CFAP299: variants seen among roughly 807,000 people sequenced by gnomAD.
The protein encoded by CFAP299 is cilia- and flagella-associated protein 299.
In CFAP299, 21 loss-of-function variants were observed where a neutral mutation model predicts 27.0. That is an observed-to-expected ratio of 0.78 (90% CI 0.55 to 1.12). The LOEUF is 1.12. CFAP299 is among the 50% of genes most tolerant of loss of function. CFAP299 has a pLI of 0.00. For missense variants in CFAP299, 310 were observed against 276.6 expected (o/e 1.12, Z -0.86); for synonymous variants, 104 against 98.1 (o/e 1.06, Z -0.36).
At chr4:80,449,602 A>G (rs1003157354) in intron 2 of CFAP299, among the ~76,000 whole-genome samples, 1 of 151,610 alleles carries the variant, frequency 6.6e-6, no homozygotes, top group Non-Finnish European at 1.5e-5. Flanking sequence ...TTCTTAAAAA[A>G]CGTTTTAAAT....
At chr4:80,746,914 C>T (rs185225797) in intron 3 of CFAP299, among the ~76,000 whole-genome samples, 1 of 152,102 alleles carries the variant, frequency 6.6e-6, no homozygotes, top group Non-Finnish European at 1.5e-5. Context: ...AGAAAATGGT[C>T]TTCAGAATAT....
At chr4:80,386,700 A>G in intron 2 of CFAP299, 11 of 1,576,406 alleles carry the variant, frequency 7.0e-6, no homozygotes, top group Non-Finnish European at 9.6e-6. Context: ...GACCTGCTGC[A>G]CAGGGCGCAT....
intron 3 of CFAP299, among the ~76,000 whole-genome samples, chr4:80,806,405 ACAGT>A (rs1728868425): frequency 6.6e-6 from 1 of 152,188 alleles, no homozygotes; most frequent in Non-Finnish European, 1.5e-5. Context: ...GGAGAGCTTG[ACAGT>A]CAAATACAGA....
At chr4:80,477,531 C>G (rs995454887) in intron 2 of CFAP299, among the ~76,000 whole-genome samples, 6 of 152,194 alleles carry the variant, frequency 3.9e-5, no homozygotes, top group Admixed American at 6.5e-5. Flanking sequence ...CACCGCCATG[C>G]ACATCCATCT....
intron 3 of CFAP299, among the ~76,000 whole-genome samples, chr4:80,865,362 T>C (rs1732660612): frequency 6.6e-6 from 1 of 152,132 alleles, no homozygotes; most frequent in African/African-American, 2.4e-5. Flanking sequence ...TCTTAGGCAA[T>C]CCACAAAATA....
chr4:80,743,382 C>T (rs1019366572), intron 3 of CFAP299, among the ~76,000 whole-genome samples: 1 of 152,064 alleles, frequency 6.6e-6, no homozygotes, highest in Non-Finnish European at 1.5e-5. Context: ...TACATACATA[C>T]ATCAAATATG....
chr4:80,628,820 TAA>T (rs1223520971), intron 3 of CFAP299, among the ~76,000 whole-genome samples: 1 of 152,126 alleles, frequency 6.6e-6, no homozygotes, highest in African/African-American at 2.4e-5. Flanking sequence ...AGATAAAAGA[TAA>T]GTGTTGGCAA....
intron 2 of CFAP299, among the ~76,000 whole-genome samples, chr4:80,523,488 G>A (rs1269743897): frequency 6.6e-6 from 1 of 152,100 alleles, no homozygotes; most frequent in African/African-American, 2.4e-5. Flanking sequence ...GGGTGCCTAG[G>A]TAACTGGGTG....
intron 3 of CFAP299, among the ~76,000 whole-genome samples, chr4:80,860,368 A>G (rs928509083): frequency 4.7e-4 from 72 of 152,102 alleles, no homozygotes; most frequent in African/African-American, 1.7e-3. Flanking sequence ...TTCCTCCTGT[A>G]GCTCGTAGTT....
intron 3 of CFAP299, among the ~76,000 whole-genome samples, chr4:80,618,313 A>G (rs143794368): frequency 2.0e-5 from 3 of 152,296 alleles, no homozygotes; most frequent in Admixed American, 2.0e-4. Context: ...GTTATCTACA[A>G]TGTGTAAAAA....
chr4:80,850,820 A>G (rs1385194412), intron 3 of CFAP299, among the ~76,000 whole-genome samples: 2 of 152,098 alleles, frequency 1.3e-5, no homozygotes, highest in Non-Finnish European at 2.9e-5. Context: ...CAGGGAAACA[A>G]TGAGGTTTGA....
intron 2 of CFAP299, among the ~76,000 whole-genome samples, chr4:80,553,640 CT>C (rs985458604): frequency 2.0e-5 from 3 of 152,112 alleles, no homozygotes; most frequent in African/African-American, 4.8e-5. Context: ...TGTAACTGTT[CT>C]TTTTTGCCTT....
intron 3 of CFAP299, among the ~76,000 whole-genome samples, chr4:80,746,511 T>G (rs1336359164): frequency 6.6e-6 from 1 of 152,088 alleles, no homozygotes; most frequent in African/African-American, 2.4e-5. Context: ...TTATGGCTCT[T>G]TCTCTGAGTA....
intron 3 of CFAP299, among the ~76,000 whole-genome samples, chr4:80,661,381 C>T (rs927562937): frequency 4.0e-5 from 6 of 151,550 alleles, no homozygotes; most frequent in South Asian, 2.1e-4. Flanking sequence ...ACGGAGGGAC[C>T]GGCTGAAGCC....
At chr4:80,415,000 A>G (rs1726928421) in intron 2 of CFAP299, among the ~76,000 whole-genome samples, 2 of 152,364 alleles carry the variant, frequency 1.3e-5, no homozygotes, top group South Asian at 4.1e-4. Context: ...GCGCTGAAGC[A>G]ATAGTTGTAC....
At chr4:80,406,649 T>C (rs1193720558) in intron 2 of CFAP299, among the ~76,000 whole-genome samples, 1 of 152,154 alleles carries the variant, frequency 6.6e-6, no homozygotes, top group African/African-American at 2.4e-5. Context: ...GGATTACAGG[T>C]ATGAACCACT....
At chr4:80,901,033 G>C (rs1734862709) in intron 4 of CFAP299, among the ~76,000 whole-genome samples, 1 of 151,986 alleles carries the variant, frequency 6.6e-6, no homozygotes, top group South Asian at 2.1e-4. Context: ...AAAAAAGCTA[G>C]GAAGATGAGT....
chr4:80,511,290 C>T (rs927732586), intron 2 of CFAP299, among the ~76,000 whole-genome samples: 16 of 152,110 alleles, frequency 1.1e-4, no homozygotes, highest in African/African-American at 3.9e-4. Context: ...GACACACAGA[C>T]AGCTTTGTAT....
At chr4:80,669,077 T>C (rs1191366963) in intron 3 of CFAP299, among the ~76,000 whole-genome samples, 5 of 151,180 alleles carry the variant, frequency 3.3e-5, no homozygotes, top group African/African-American at 1.2e-4. Context: ...TCTTTGTAGC[T>C]CTTGTAAATA....
Sources: gnomAD v4.1 joint callset for allele counts (sites outside exome capture counted in the v4.1 genomes callset) on GRCh38, gnomAD v4.1.1 for gene constraint, MANE v1.5 for transcripts, NCBI Gene and HGNC (gene_info 2026-07-23, HGNC 2026-07-21) for gene names.